COL4A2: variants seen among roughly 807,000 people sequenced by gnomAD.
COL4A2 encodes the protein collagen alpha-2(IV) chain.
A neutral mutation model predicts 200.2 loss-of-function variants in COL4A2; 99 were observed. The ratio of observed to expected loss-of-function variants is 0.49; its 90% CI spans 0.42 to 0.58. The LOEUF is 0.58. Among genes scored for constraint, COL4A2 ranks in the 20% least tolerant of loss-of-function variants. The pLI is 0.00. For missense variants in COL4A2, 1,950 were observed against 2,314.1 expected (o/e 0.84, Z 3.23); for synonymous variants, 897 against 900.6 (o/e 1.00, Z 0.07).
chr13:110,488,261 G>T (rs1474851533), intron 34 of COL4A2, among the ~76,000 whole-genome samples: 1 of 152,188 alleles, frequency 6.6e-6, no homozygotes, highest in Non-Finnish European at 1.5e-5. Flanking sequence ...CTGACCTCAG[G>T]CAGTCCACCC....
intron 3 of COL4A2, among the ~76,000 whole-genome samples, chr13:110,312,889 T>G (rs1885023775): frequency 6.6e-6 from 1 of 152,198 alleles, no homozygotes; most frequent in South Asian, 2.1e-4. Flanking sequence ...AAGAGAATGT[T>G]GTGTGGAATG....
At chr13:110,338,859 G>A (rs1876326384) in intron 3 of COL4A2, among the ~76,000 whole-genome samples, 2 of 152,370 alleles carry the variant, frequency 1.3e-5, no homozygotes, top group Non-Finnish European at 2.9e-5. Flanking sequence ...CACAACGCTT[G>A]TGGAGTAAGG....
intron 6 of COL4A2, among the ~76,000 whole-genome samples, chr13:110,425,553 C>T (rs976528392): frequency 1.3e-5 from 2 of 152,234 alleles, no homozygotes; most frequent in Non-Finnish European, 2.9e-5. Context: ...CAGCCTTCTT[C>T]ACAGGGACCC....
At chr13:110,482,461 T>C in intron 31 of COL4A2, 55 bp from the exon 32 acceptor site, 1 of 1,564,578 alleles carries the variant, frequency 6.4e-7, no homozygotes, top group South Asian at 1.1e-5. Flanking sequence ...GAGACTGAAA[T>C]GTCCCATGCA....
chr13:110,428,916 T>C (rs1170341002), intron 7 of COL4A2: 3 of 227,088 alleles, frequency 1.3e-5, no homozygotes, highest in South Asian at 3.5e-4. Context: ...TCACCATCTT[T>C]ATCAGATTAT....
intron 4 of COL4A2, among the ~76,000 whole-genome samples, chr13:110,381,057 C>T (rs1878467206): frequency 6.7e-6 from 1 of 149,884 alleles, no homozygotes; most frequent in Non-Finnish European, 1.5e-5. Flanking sequence ...GGCTCTGTCT[C>T]ACACCCACGG....
chr13:110,378,490 C>A (rs1255477257), intron 4 of COL4A2, among the ~76,000 whole-genome samples: 1 of 152,220 alleles, frequency 6.6e-6, no homozygotes, highest in Non-Finnish European at 1.5e-5. Context: ...CTCCGGGTCC[C>A]TCGCCTCAGG....
intron 3 of COL4A2, among the ~76,000 whole-genome samples, chr13:110,330,410 G>A (rs914538192): frequency 2.6e-5 from 4 of 152,150 alleles, no homozygotes; most frequent in East Asian, 1.9e-4. Context: ...GTGGAGGCGG[G>A]GGGGCAGCCC....
intron 4 of COL4A2, among the ~76,000 whole-genome samples, chr13:110,420,462 G>A (rs549559879): frequency 2.4e-3 from 205 of 85,836 alleles, no homozygotes; most frequent in African/African-American, 8.7e-3. Context: ...TGTCCACAGC[G>A]TCTCCTGGCT....
At chr13:110,355,677 TG>T (rs558601591) in intron 3 of COL4A2, among the ~76,000 whole-genome samples, 1 of 30,030 alleles carries the variant, frequency 3.3e-5, no homozygotes. Flanking sequence ...CACCTGTGTG[TG>T]GGGGTGGAGG....
At chr13:110,311,920 A>G (rs1364675020) in intron 3 of COL4A2, among the ~76,000 whole-genome samples, 2 of 152,232 alleles carry the variant, frequency 1.3e-5, no homozygotes, top group East Asian at 3.9e-4. Flanking sequence ...AATTCGCCTG[A>G]CCTTCCTGTT....
chr13:110,321,297 A>G (rs1885273677), intron 3 of COL4A2, among the ~76,000 whole-genome samples: 3 of 151,814 alleles, frequency 2.0e-5, no homozygotes, highest in African/African-American at 7.3e-5. Flanking sequence ...CATTTTTAAT[A>G]TTTTTTTCAT....
At chr13:110,442,087 CAAAAAA>C (rs10530153) in intron 16 of COL4A2, among the ~76,000 whole-genome samples, 34 of 47,642 alleles carry the variant, frequency 7.1e-4, no homozygotes, top group African/African-American at 3.6e-3. Flanking sequence ...CTCTCTGTCT[CAAAAAA>C]AAAAAAAAAA....
intron 40 of COL4A2, among the ~76,000 whole-genome samples, chr13:110,498,953 C>A (rs1233395615): frequency 6.6e-6 from 1 of 152,226 alleles, no homozygotes; most frequent in African/African-American, 2.4e-5. Context: ...ATGAACGTCA[C>A]AGTGGGCCCA....
intron 3 of COL4A2, among the ~76,000 whole-genome samples, chr13:110,338,775 G>A (rs1457645663): frequency 6.6e-6 from 1 of 152,252 alleles, no homozygotes; most frequent in Non-Finnish European, 1.5e-5. Flanking sequence ...AAAAATGTCT[G>A]GCTGCTCTTC....
rs1192930996 is a variant in COL4A2 at position 110,357,452 on chromosome 13, C to T, written c.100-20C>T. On this transcript the variant is annotated intron_variant, in intron 3 of 47. Transcript: ENST00000360467. ...CAATGTTTAGGTAACTTTTCTTTGC[C>T]TTGTGTTTTATTGTTGCAGGGTGTG... 3 of 1,572,864 alleles carry T rather than the reference C, an allele frequency of 1.9e-6. No individual in the cohort carries two copies. Among genetic ancestry groups the T allele is most frequent in the African/African-American group, 1.4e-5 (1 of 73,804 alleles).
At chr13:110,430,907 C>G (rs1880656655) in intron 10 of COL4A2, 1 of 596,068 alleles carries the variant, frequency 1.7e-6, no homozygotes. Flanking sequence ...TGACAGACAG[C>G]CCATCATCCC....
At chr13:110,504,105 C>T (rs760684860) in intron 44 of COL4A2, 43 bp from the exon 45 acceptor site, 23 of 1,597,590 alleles carry the variant, frequency 1.4e-5, no homozygotes, top group South Asian at 6.6e-5. Flanking sequence ...CCGTGCCAGG[C>T]GTGGTCAGTT....
intron 34 of COL4A2, among the ~76,000 whole-genome samples, chr13:110,486,408 G>C (rs1782873386): frequency 6.6e-6 from 1 of 152,234 alleles, no homozygotes; most frequent in Admixed American, 6.5e-5. Context: ...GTTTTCTTGA[G>C]TGCTGTATAG....
Sources: allele counts gnomAD v4.1 joint callset (sites outside exome capture counted in the v4.1 genomes callset), GRCh38; gene constraint gnomAD v4.1.1; transcripts MANE v1.5; gene names NCBI Gene and HGNC (gene_info 2026-07-23, HGNC 2026-07-21).